ZHX2: variants seen among roughly 807,000 people sequenced by gnomAD.
The protein encoded by ZHX2 is zinc fingers and homeoboxes protein 2.
A neutral mutation model predicts 21.9 loss-of-function variants in ZHX2; 6 were observed. The observed-to-expected ratio is 0.27, with a 90% CI of 0.15 to 0.54. The LOEUF (loss-of-function observed/expected upper bound fraction) is 0.54. ZHX2 is among the 20% of genes least tolerant of loss of function. The pLI, the probability that ZHX2 is intolerant of heterozygous loss-of-function variation, is 0.95. For synonymous variants in ZHX2, 434 were observed against 437.1 expected (o/e 0.99, Z 0.09); for missense variants, 908 against 1,090.7 (o/e 0.83, Z 2.36).
intron 3 of ZHX2, among the ~76,000 whole-genome samples, chr8:122,965,157 C>T (rs1054118204): frequency 1.3e-5 from 2 of 150,590 alleles, no homozygotes; most frequent in Non-Finnish European, 3.0e-5. Context: ...TTTGGTTCTG[C>T]TCTAATCTTT....
chr8:122,890,405 T>C (rs372824778), intron 2 of ZHX2, among the ~76,000 whole-genome samples: 7 of 152,306 alleles, frequency 4.6e-5, no homozygotes, highest in African/African-American at 1.7e-4. Context: ...ATCTCCAGTT[T>C]TGTTCTTTTT....
At chr8:122,958,496 T>C (rs1374067222) in intron 3 of ZHX2, among the ~76,000 whole-genome samples, 1 of 152,260 alleles carries the variant, frequency 6.6e-6, no homozygotes, top group Non-Finnish European at 1.5e-5. Flanking sequence ...TGACACCCAC[T>C]GTGTGCTCAG....
At chr8:122,969,217 G>C (rs1813660433) in intron 3 of ZHX2, among the ~76,000 whole-genome samples, 1 of 152,030 alleles carries the variant, frequency 6.6e-6, no homozygotes, top group African/African-American at 2.4e-5. Context: ...AGACAGTGGA[G>C]TGATGTTGAC....
At chr8:122,788,330 G>A (rs1463334734) in intron 1 of ZHX2, among the ~76,000 whole-genome samples, 2 of 152,242 alleles carry the variant, frequency 1.3e-5, no homozygotes, top group African/African-American at 4.8e-5. Flanking sequence ...GGCCGAGGCA[G>A]GTGGATCGCT....
chr8:122,783,043 C>T (rs1186251237), intron 1 of ZHX2, among the ~76,000 whole-genome samples: 1 of 152,098 alleles, frequency 6.6e-6, no homozygotes, highest in East Asian at 1.9e-4. Context: ...TGTGCTGAGC[C>T]TGGGAGGCGG....
At chr8:122,837,373 C>T (rs536989158) in intron 1 of ZHX2, among the ~76,000 whole-genome samples, 1 of 152,224 alleles carries the variant, frequency 6.6e-6, no homozygotes. Flanking sequence ...GCAATGGGTT[C>T]CAGACCCCCA....
rs779097857 is a variant in ZHX2, at chr8:122,888,509, T to G, written c.-220+24970T>G. 3.3e-5 allele frequency among the ~76,000 whole-genome samples: 5 copies of G among 152,144 alleles called. 1 individual carries two copies. The highest frequency in any genetic ancestry group is 5.9e-5 in the Non-Finnish European group (4 of 68,024). On this transcript the variant is annotated intron_variant, in intron 2 of 3. Transcript: ENST00000314393. ...TTTTTTGTTTTTTTGGCGATGGAGT[T>G]TCACTCCCATTGCCCAGGCTGGAGT...
At position 122,870,664 on chromosome 8, in the gene ZHX2, AAAG is replaced by A. The variant is rs1212293934; in HGVS notation, c.-220+7128_-220+7130del. 1.8e-3 allele frequency among the ~76,000 whole-genome samples: 212 copies of A among 117,644 alleles called. 8 individuals carry two copies. The highest frequency in any genetic ancestry group is 3.0e-3 in the Non-Finnish European group (166 of 55,302). The allele number at this position is 117,644 out of a possible 152,430, so 77.2% of individuals were successfully genotyped here. A position where few individuals can be genotyped will look rare whatever the true frequency, so the allele number is the denominator to read the frequency against. On this transcript the variant is annotated intron_variant, in intron 2 of 3. Transcript: ENST00000314393. ...AAAAAAAAAAAAAAAAAAAAAAAAA[AAAG>A]AAAGAGAAAGATGAACTGGTCAGAG...
At chr8:122,872,850 T>C (rs1819474081) in intron 2 of ZHX2, among the ~76,000 whole-genome samples, 1 of 152,070 alleles carries the variant, frequency 6.6e-6, no homozygotes. Flanking sequence ...ATCTCTCGGC[T>C]CAGCTTTCTT....
At chr8:122,788,599 G>A (rs554837446) in intron 1 of ZHX2, among the ~76,000 whole-genome samples, 10 of 152,164 alleles carry the variant, frequency 6.6e-5, no homozygotes, top group Admixed American at 1.3e-4. Flanking sequence ...GATAGGAAAC[G>A]AAAGCTCAGA....
At chr8:122,964,784 TG>T (rs1448401302) in intron 3 of ZHX2, among the ~76,000 whole-genome samples, 2 of 152,078 alleles carry the variant, frequency 1.3e-5, no homozygotes, top group East Asian at 1.9e-4. Context: ...GACTTTTTTT[TG>T]TTGGCAATTT....
intron 1 of ZHX2, among the ~76,000 whole-genome samples, chr8:122,791,419 G>GGTCA (rs1286706098): frequency 1.3e-5 from 2 of 152,164 alleles, no homozygotes; most frequent in Non-Finnish European, 2.9e-5. Flanking sequence ...GGCACGGGCA[G>GGTCA]GTCACTTAGA....
intron 2 of ZHX2, among the ~76,000 whole-genome samples, chr8:122,911,395 T>C (rs1198367473): frequency 2.0e-5 from 3 of 152,050 alleles, no homozygotes; most frequent in Non-Finnish European, 4.4e-5. Flanking sequence ...TCTTCCCCCA[T>C]CATCAAGTGT....
intron 1 of ZHX2, among the ~76,000 whole-genome samples, chr8:122,861,933 C>G (rs1192384326): frequency 6.6e-6 from 1 of 152,186 alleles, no homozygotes; most frequent in African/African-American, 2.4e-5. Flanking sequence ...ATGGTTAGTT[C>G]TAAAGGGCAG....
intron 2 of ZHX2, among the ~76,000 whole-genome samples, chr8:122,864,064 T>C (rs1819231773): frequency 6.6e-6 from 1 of 151,616 alleles, no homozygotes; most frequent in Non-Finnish European, 1.5e-5. Context: ...AAGAGTGCAA[T>C]AGGAAACTTG....
Position 122,952,776 on chromosome 8 carries a change from C to G in ZHX2, c.1266C>G (p.His422Gln), listed in dbSNP as rs767563538. 6.2e-7 allele frequency: 1 copy of G among 1,614,130 alleles called. No individual in the cohort carries two copies. Among genetic ancestry groups the G allele is most frequent in the Non-Finnish European group, 8.5e-7 (1 of 1,180,042 alleles). Residue 422 changes from histidine (H) to glutamine (Q), a missense_variant, in exon 3 of 4, where the codon CAC becomes CAG. Coordinates refer to ENST00000314393, the MANE Select transcript of ZHX2 (RefSeq NM_014943.5). This position sits in a 1 kb window ranked among gnomAD's most constrained non-coding sequence, Gnocchi z 6.9. The part of the protein sequence containing the change: ...PQAAPEPKRP[H>Q]IAQVPEPPPK... ...CTGCCCCCGAACCCAAGCGTCCACACATCGCTCAGGTGCCAGAGCCCCCAC... is the reference window on the plus strand; with the variant it reads ...CTGCCCCCGAACCCAAGCGTCCACAGATCGCTCAGGTGCCAGAGCCCCCAC...
chr8:122,844,172 C>T (rs1418946433), intron 1 of ZHX2, among the ~76,000 whole-genome samples: 3 of 152,204 alleles, frequency 2.0e-5, no homozygotes. Flanking sequence ...GAATTGATCT[C>T]TTGGGGTGGC....
chr8:122,820,068 C>A (rs1320017003), intron 1 of ZHX2, among the ~76,000 whole-genome samples: 1 of 152,152 alleles, frequency 6.6e-6, no homozygotes, highest in African/African-American at 2.4e-5. Flanking sequence ...AATTGAAAAC[C>A]ACTTGGCAAA....
intron 1 of ZHX2, among the ~76,000 whole-genome samples, chr8:122,845,301 A>G (rs1044105193): frequency 6.6e-6 from 1 of 152,118 alleles, no homozygotes; most frequent in African/African-American, 2.4e-5. Flanking sequence ...GCTATTGAAA[A>G]TGTTGGAGAT....
Sources: allele counts gnomAD v4.1 joint callset (sites outside exome capture counted in the v4.1 genomes callset), GRCh38; gene constraint gnomAD v4.1.1; non-coding constraint Gnocchi (gnomAD v3.1); transcripts MANE v1.5; gene names NCBI Gene and HGNC (gene_info 2026-07-23, HGNC 2026-07-21).